The following IL18RAP variants were observed in gnomAD, a reference collection of about 807,000 sequenced individuals.
IL18RAP encodes interleukin 18 receptor accessory protein.
IL18RAP carries 37 observed loss-of-function variants against 58.1 expected under a neutral mutation model. The observed-to-expected ratio is 0.64, with a 90% CI of 0.49 to 0.84. The LOEUF (loss-of-function observed/expected upper bound fraction) is 0.84, where lower values mean the gene tolerates loss of function less well. IL18RAP is among the 40% of genes least tolerant of loss of function. The pLI, the probability that IL18RAP is intolerant of heterozygous loss-of-function variation, is 0.00. For synonymous variants in IL18RAP, 268 were observed against 257.5 expected, an observed-to-expected ratio of 1.04 and a Z score of -0.39; for missense variants, 667 against 704.8, an observed-to-expected ratio of 0.95 and a Z score of 0.61.
At chr2:102,443,102 C>A in intron 5 of IL18RAP, 98 bp from the exon 6 acceptor site, 2 of 1,152,044 alleles carry the variant, frequency 1.7e-6, no homozygotes, top group Non-Finnish European at 2.5e-6. Context: ...AACCTGATTG[C>A]ATCAGGAGAC....
intron 3 of IL18RAP, chr2:102,434,308 T>G (rs1255624517): frequency 6.6e-6 from 1 of 152,254 alleles, no homozygotes; most frequent in Non-Finnish European, 1.5e-5. Flanking sequence ...GGCAAGTCTT[T>G]CCACAAAAAC....
chr2:102,430,588 G>A (rs753845929), intron 3 of IL18RAP, among the ~76,000 whole-genome samples: 5 of 152,016 alleles, frequency 3.3e-5, no homozygotes, highest in Non-Finnish European at 7.4e-5. Context: ...TTGCCATTTT[G>A]TAACTTATTT....
chr2:102,441,437 G>A, intron 5 of IL18RAP, 60 bp downstream of exon 5: 6 of 1,308,566 alleles, frequency 4.6e-6, no homozygotes, highest in Non-Finnish European at 6.6e-6. Flanking sequence ...GTCTAAGTGT[G>A]ATAGAAGGAA....
intron 3 of IL18RAP, among the ~76,000 whole-genome samples, chr2:102,436,991 C>T (rs773912199): frequency 6.6e-6 from 1 of 152,108 alleles, no homozygotes; most frequent in African/African-American, 2.4e-5. Context: ...AGGTTTGACT[C>T]TCTCATCTCT....
rs11465707 is a variant in IL18RAP, at chr2:102,442,562, G to A, written c.797-638G>A. ...TATAAGGTATTACCAGTGGAAAAACGTTAAGGTGCAAAGATGAGTATTCAA... is the reference window on the plus strand; with the variant it reads ...TATAAGGTATTACCAGTGGAAAAACATTAAGGTGCAAAGATGAGTATTCAA... On this transcript the variant is annotated intron_variant, in intron 5 of 9. Coordinates refer to ENST00000687160, the MANE Select transcript of IL18RAP (RefSeq NM_001393487.1). Among the ~76,000 whole-genome samples, 834 of 152,168 alleles carry A rather than the reference G, an allele frequency of 5.5e-3. 17 individuals are homozygous for A. The highest frequency in any genetic ancestry group is 0.019 in the African/African-American group (793 of 41,518).
At chr2:102,419,508 C>A (rs979478850), upstream of IL18RAP, 1 of 152,318 alleles carries the variant, frequency 6.6e-6, no homozygotes, top group Non-Finnish European at 1.5e-5. Context: ...CTCTCTCCCC[C>A]GTTTCTCACC....
rs1357160993 is a variant in IL18RAP at position 102,445,471 on chromosome 2, T to C, written c.1072+131T>C. 4.2e-6 allele frequency: 4 copies of C among 950,412 alleles called. No individual in the cohort carries two copies. In the Admixed American group the frequency reaches 7.7e-5, roughly 18 times the overall value. The allele number at this position is 950,412 out of a possible 1,614,324, so 58.9% of individuals were successfully genotyped here. ...GTGACAGACATTGTTTTAAGCACTT[T>C]CCTGGTGTCAACCCATTTAATACCT... On this transcript the variant is annotated intron_variant, in intron 7 of 9. Transcript: ENST00000687160.
upstream of IL18RAP, among the ~76,000 whole-genome samples, chr2:102,421,088 G>T (rs996047488): frequency 6.6e-6 from 1 of 152,200 alleles, no homozygotes; most frequent in African/African-American, 2.4e-5. Flanking sequence ...CTGAGCTCCT[G>T]TTATCAGCTA....
intron 7 of IL18RAP, 144 bp downstream of exon 7, chr2:102,445,484 C>A: frequency 1.3e-6 from 1 of 788,792 alleles, no homozygotes; most frequent in East Asian, 2.7e-5. Context: ...TGGTGTCAAC[C>A]CATTTAATAC....
chr2:102,423,789 C>CGGT (rs1553402376), intron 1 of IL18RAP, 22 bp from the exon 2 acceptor site: 1 of 1,551,444 alleles, frequency 6.4e-7, no homozygotes, highest in South Asian at 1.1e-5. Context: ...TTTCCATGTG[C>CGGT]TTTGTTTATT....
chr2:102,439,221 G>C (rs1682948960), intron 4 of IL18RAP: 1 of 152,240 alleles, frequency 6.6e-6, no homozygotes, highest in South Asian at 2.1e-4. Context: ...CACCTTGTTT[G>C]CTGGGTCGGA....
chr2:102,425,730 A>G (rs540796099), intron 3 of IL18RAP, among the ~76,000 whole-genome samples: 2 of 152,272 alleles, frequency 1.3e-5, no homozygotes, highest in Admixed American at 6.5e-5. Flanking sequence ...CCGTTATTTC[A>G]GATGAAAATG....
At chr2:102,430,604 G>T (rs889879900) in intron 3 of IL18RAP, among the ~76,000 whole-genome samples, 4 of 151,972 alleles carry the variant, frequency 2.6e-5, no homozygotes, top group Non-Finnish European at 4.4e-5. Context: ...TATTTTCTGT[G>T]TGTTTTGTAG....
At chr2:102,425,314 C>T (rs1439758470) in intron 3 of IL18RAP, among the ~76,000 whole-genome samples, 1 of 151,870 alleles carries the variant, frequency 6.6e-6, no homozygotes, top group African/African-American at 2.4e-5. Context: ...TTTAATGCAC[C>T]CCAAATTTTA....
chr2:102,437,789 T>C (rs1394587333), intron 4 of IL18RAP, among the ~76,000 whole-genome samples: 1 of 151,966 alleles, frequency 6.6e-6, no homozygotes, highest in African/African-American at 2.4e-5. Context: ...TTCCAGGCCT[T>C]TGCTCCCACA....
intron 7 of IL18RAP, 141 bp downstream of exon 7, chr2:102,445,481 A>C (rs1038131534): frequency 1.2e-6 from 1 of 843,920 alleles, no homozygotes; most frequent in Non-Finnish European, 1.8e-6. Context: ...TCCTGGTGTC[A>C]ACCCATTTAA....
chr2:102,436,259 T>C (rs1453302082), intron 3 of IL18RAP, among the ~76,000 whole-genome samples: 1 of 152,196 alleles, frequency 6.6e-6, no homozygotes, highest in Admixed American at 6.5e-5. Flanking sequence ...TCTCATGCGA[T>C]TTATGACACG....
chr2:102,425,829 C>G (rs1373905145), intron 3 of IL18RAP, among the ~76,000 whole-genome samples: 2 of 152,002 alleles, frequency 1.3e-5, no homozygotes, highest in Admixed American at 1.3e-4. Context: ...TAGTAGCCAG[C>G]TTTCTGCAAA....
chr2:102,445,409 G>T, intron 7 of IL18RAP, 69 bp downstream of exon 7: 1 of 1,459,468 alleles, frequency 6.9e-7, no homozygotes, highest in Non-Finnish European at 9.5e-7. Context: ...TTTTCCTAAA[G>T]AATAGTAATA....
Sources: allele counts gnomAD v4.1 joint callset (sites outside exome capture counted in the v4.1 genomes callset), GRCh38; gene constraint gnomAD v4.1.1; transcripts MANE v1.5; gene names NCBI Gene and HGNC (gene_info 2026-07-23, HGNC 2026-07-21).